CAP2: variants seen among roughly 807,000 people sequenced by gnomAD.
The protein encoded by CAP2 is cyclase associated actin cytoskeleton regulatory protein 2.
In CAP2, 24 loss-of-function variants were observed where a neutral mutation model predicts 57.7. The observed-to-expected ratio is 0.42, with a 90% CI of 0.30 to 0.58. CAP2 has a LOEUF of 0.58. CAP2 is among the 20% of genes least tolerant of loss of function. CAP2 has a pLI of 0.22. For synonymous variants in CAP2, 194 were observed against 207.2 expected, an observed-to-expected ratio of 0.94 and a Z score of 0.55; for missense variants, 501 against 590.3, an observed-to-expected ratio of 0.85 and a Z score of 1.57.
intron 7 of CAP2, among the ~76,000 whole-genome samples, chr6:17,516,030 C>G (rs1762269118): frequency 6.6e-6 from 1 of 152,194 alleles, no homozygotes; most frequent in South Asian, 2.1e-4. Context: ...TGTCCTGAAC[C>G]TATATCCTGC....
In CAP2 at chr6:17,543,144, G is replaced by GTAAGCAGAGCCTTTCCAACCATGCTGTAA. The variant is rs751378825; in HGVS notation, c.1209+23_1209+51dup. 33 of 1,611,804 alleles carry GTAAGCAGAGCCTTTCCAACCATGCTGTAA rather than the reference G, an allele frequency of 2.0e-5. No individual in the cohort carries two copies. In the African/African-American group the frequency reaches 4.3e-4, roughly 21 times the overall value. ...CAACTCCCAGGACATTCAAATCCAG[G>GTAAGCAGAGCCTTTCCAACCATGCTGTAA]TAAGCAGAGCCTTTCCAACCATGCT... On this transcript the variant is annotated splice_donor_variant, in intron 11 of 12. Coordinates refer to ENST00000229922, the MANE Select transcript of CAP2 (RefSeq NM_006366.3). LOFTEE classifies it high-confidence loss of function.
Position 17,444,598 on chromosome 6 carries a change from G to T in CAP2, c.222+17908G>T, listed in dbSNP as rs565099810. Among the ~76,000 whole-genome samples the T allele has an allele frequency of 3.0e-5, 4 of 135,350 alleles. 1 individual carries two copies. The Admixed American group carries it at 3.3e-4, about 11-fold the overall frequency. The allele number at this position is 135,350 out of a possible 152,430, so 88.8% of individuals were successfully genotyped here. A position where few individuals can be genotyped will look rare whatever the true frequency, so the allele number is the denominator to read the frequency against. On this transcript the variant is annotated intron_variant, in intron 3 of 12. Coordinates refer to ENST00000229922, the MANE Select transcript of CAP2 (RefSeq NM_006366.3). ...AGAGGTTGCAGTGAGCCGAGATCGC[G>T]CCACTGCACTCCAGCCTGGCGACAG...
intron 1 of CAP2, among the ~76,000 whole-genome samples, chr6:17,421,203 A>G (rs770160530): frequency 1.3e-5 from 2 of 152,168 alleles, no homozygotes; most frequent in Non-Finnish European, 2.9e-5. Flanking sequence ...ACGCAAAGGC[A>G]TAAGAATGAT....
intron 3 of CAP2, among the ~76,000 whole-genome samples, chr6:17,462,251 G>A (rs1327285644): frequency 6.6e-6 from 1 of 151,860 alleles, no homozygotes. Flanking sequence ...GGCTTTCAGT[G>A]AGCATATCTA....
chr6:17,507,637 T>C lies in CAP2; in HGVS notation c.445-4T>C, dbSNP rs1762024942. 8.9e-6 allele frequency: 14 copies of C among 1,575,344 alleles called. No homozygotes were observed. Among genetic ancestry groups the C allele is most frequent in the Non-Finnish European group, 1.2e-5 (14 of 1,145,220 alleles). On this transcript the variant is annotated splice_polypyrimidine_tract_variant and splice_region_variant and intron_variant, in intron 5 of 12. Coordinates refer to ENST00000229922, the MANE Select transcript of CAP2 (RefSeq NM_006366.3). ...ATGCTTGGGTGACGGTCCTGTTTTC[T>C]CAGTCTCCCAAACCTGGTCCTTATG...
intron 1 of CAP2, among the ~76,000 whole-genome samples, chr6:17,406,394 A>ATTTCTTTTTTTTTTTTT (rs1758969295): frequency 1.1e-5 from 1 of 91,916 alleles, no homozygotes; most frequent in Non-Finnish European, 2.1e-5. Flanking sequence ...GTAAGCCCAG[A>ATTTCTTTTTTTTTTTTT]TTTCTTTTTT....
chr6:17,501,628 C>G (rs189239105), intron 4 of CAP2, among the ~76,000 whole-genome samples: 2 of 152,290 alleles, frequency 1.3e-5, no homozygotes, highest in East Asian at 3.9e-4. Flanking sequence ...TCTTACAAAA[C>G]AGCCTGAGTG....
At chr6:17,460,638 CT>C (rs927492689) in intron 3 of CAP2, among the ~76,000 whole-genome samples, 1 of 151,844 alleles carries the variant, frequency 6.6e-6, no homozygotes, top group African/African-American at 2.4e-5. Flanking sequence ...ATTTTATAAT[CT>C]TTTTTTTAAC....
At chr6:17,521,419 G>GA (rs978272932) in intron 7 of CAP2, among the ~76,000 whole-genome samples, 10 of 147,346 alleles carry the variant, frequency 6.8e-5, no homozygotes, top group East Asian at 2.0e-4. Context: ...CTCCGTCTCA[G>GA]AAAAAAAAAA....
chr6:17,419,345 C>T (rs543327745), intron 1 of CAP2, among the ~76,000 whole-genome samples: 23 of 152,322 alleles, frequency 1.5e-4, no homozygotes, highest in African/African-American at 5.3e-4. Flanking sequence ...CATGCTGTTC[C>T]TCTTTTGCTC....
chr6:17,470,910 A>G (rs760846715), intron 4 of CAP2, among the ~76,000 whole-genome samples: 12 of 152,230 alleles, frequency 7.9e-5, no homozygotes, highest in Non-Finnish European at 1.8e-4. Context: ...TTTGAAATCT[A>G]ACAGCTGAAT....
intron 3 of CAP2, among the ~76,000 whole-genome samples, chr6:17,460,993 T>G (rs1760704909): frequency 1.3e-5 from 2 of 151,914 alleles, no homozygotes; most frequent in South Asian, 4.2e-4. Context: ...ACTAAAAAAT[T>G]CAAAAGTTAG....
chr6:17,517,605 T>A (rs533560341), intron 7 of CAP2, among the ~76,000 whole-genome samples: 29 of 152,304 alleles, frequency 1.9e-4, no homozygotes, highest in African/African-American at 5.5e-4. Flanking sequence ...TCACATTTTT[T>A]AAAATGTGTT....
intron 3 of CAP2, among the ~76,000 whole-genome samples, chr6:17,454,704 C>T (rs555055838): frequency 1.3e-5 from 2 of 152,328 alleles, no homozygotes; most frequent in Admixed American, 1.3e-4. Context: ...GTCAGTCTTG[C>T]TGATATGTTT....
chr6:17,454,810 A>G (rs968136966), intron 3 of CAP2, among the ~76,000 whole-genome samples: 2 of 152,216 alleles, frequency 1.3e-5, no homozygotes, highest in South Asian at 2.1e-4. Context: ...CTATGCTTCA[A>G]GTCTCTCTCT....
rs562118662 is a variant in CAP2 at position 17,513,069 on chromosome 6, C to T, written c.531-780C>T. ...AAAATATATTATAGGTAAAAATTGC[C>T]GAAAGGAAATGCAACTATTTTTACC... On this transcript the variant is annotated intron_variant, in intron 6 of 12. Coordinates refer to ENST00000229922, the MANE Select transcript of CAP2 (RefSeq NM_006366.3). The surrounding 1 kb of genome is among the most constrained non-coding windows in gnomAD (Gnocchi z 4.3). Among the ~76,000 whole-genome samples the T allele has an allele frequency of 2.0e-5, 3 of 151,888 alleles. No homozygotes were observed. The highest frequency in any genetic ancestry group is 1.9e-4 in the East Asian group (1 of 5,186).
At chr6:17,475,468 C>T (rs985952270) in intron 4 of CAP2, among the ~76,000 whole-genome samples, 1 of 152,110 alleles carries the variant, frequency 6.6e-6, no homozygotes, top group Non-Finnish European at 1.5e-5. Flanking sequence ...TGAGGCATTT[C>T]ATTTCAAAGG....
chr6:17,540,867 C>T, intron 8 of CAP2, 106 bp from the exon 9 acceptor site: 2 of 1,111,436 alleles, frequency 1.8e-6, no homozygotes, highest in East Asian at 2.4e-5. Flanking sequence ...TGAAAGTGGC[C>T]TTACCAAAAG....
At chr6:17,477,622 C>T (rs1181103929) in intron 4 of CAP2, among the ~76,000 whole-genome samples, 1 of 152,140 alleles carries the variant, frequency 6.6e-6, no homozygotes, top group Non-Finnish European at 1.5e-5. Flanking sequence ...AAGAGGGTTT[C>T]CTCCCCATAT....
Sources: allele counts gnomAD v4.1 joint callset (sites outside exome capture counted in the v4.1 genomes callset), GRCh38; gene constraint gnomAD v4.1.1; non-coding constraint Gnocchi (gnomAD v3.1); transcripts MANE v1.5; gene names NCBI Gene and HGNC (gene_info 2026-07-23, HGNC 2026-07-21).